The following ABCD2 variants were observed in gnomAD, a reference collection of about 807,000 sequenced individuals.
ABCD2 encodes ATP binding cassette subfamily D member 2.
Under a neutral mutation model 70.9 loss-of-function variants are expected in ABCD2, and 36 were observed. The ratio of observed to expected loss-of-function variants is 0.51; its 90% confidence interval spans 0.39 to 0.67. The LOEUF (loss-of-function observed/expected upper bound fraction) is 0.67. ABCD2 is among the 30% of genes least tolerant of loss of function. ABCD2 has a pLI of 0.00. For missense variants in ABCD2, 729 were observed against 890.2 expected (o/e 0.82, Z 2.30); for synonymous variants, 304 against 306.9 (o/e 0.99, Z 0.10).
rs749669182 is a variant in ABCD2 at position 39,604,757 on chromosome 12, A to T, written c.1405+5T>A. The T allele has an allele frequency of 2.7e-5, 43 of 1,576,384 alleles. No individual in the cohort carries two copies. Among genetic ancestry groups the T allele is most frequent in the Non-Finnish European group, 3.6e-5 (42 of 1,166,286 alleles). On this transcript the variant is annotated splice_donor_5th_base_variant and intron_variant, in intron 4 of 9. Coordinates refer to ENST00000308666, the MANE Select transcript of ABCD2 (RefSeq NM_005164.4). Reference sequence around the variant, plus strand: ...GGAAAATATAAAAGCACTTGAGTTTAATACCTTTAATTGCCAATGTGTCAC... The same window carrying T: ...GGAAAATATAAAAGCACTTGAGTTTTATACCTTTAATTGCCAATGTGTCAC...
At chr12:39,566,860 C>A (rs1300648994) in intron 9 of ABCD2, among the ~76,000 whole-genome samples, 1 of 152,172 alleles carries the variant, frequency 6.6e-6, no homozygotes, top group African/African-American at 2.4e-5. Flanking sequence ...CAAAGAATAT[C>A]TTTATTTCTG....
At chr12:39,566,591 C>T (rs1941352487) in intron 9 of ABCD2, among the ~76,000 whole-genome samples, 1 of 152,104 alleles carries the variant, frequency 6.6e-6, no homozygotes, top group Non-Finnish European at 1.5e-5. Flanking sequence ...CTCCTGGATT[C>T]ATTGATTTTT....
intron 2 of ABCD2, among the ~76,000 whole-genome samples, chr12:39,613,693 C>T (rs1160337888): frequency 6.6e-6 from 1 of 152,160 alleles, no homozygotes; most frequent in Non-Finnish European, 1.5e-5. Flanking sequence ...ATATAACGCC[C>T]TCCATCCTTA....
At chr12:39,556,378 G>C (rs1941165776) in intron 9 of ABCD2, among the ~76,000 whole-genome samples, 1 of 152,124 alleles carries the variant, frequency 6.6e-6, no homozygotes, top group Admixed American at 6.5e-5. Flanking sequence ...GTAGGCAGTT[G>C]GATCATGGGG....
intron 9 of ABCD2, among the ~76,000 whole-genome samples, chr12:39,570,163 G>A (rs1211662086): frequency 6.6e-6 from 1 of 152,162 alleles, no homozygotes; most frequent in Non-Finnish European, 1.5e-5. Flanking sequence ...AATACTACCC[G>A]AAGTGATCTA....
At chr12:39,566,416 T>A (rs1007193319) in intron 9 of ABCD2, among the ~76,000 whole-genome samples, 2 of 152,254 alleles carry the variant, frequency 1.3e-5, no homozygotes, top group Non-Finnish European at 2.9e-5. Flanking sequence ...TTTGTTTGCA[T>A]AGAAGTGTTT....
intron 6 of ABCD2, among the ~76,000 whole-genome samples, chr12:39,591,563 T>C (rs1291979917): frequency 6.6e-6 from 1 of 151,908 alleles, no homozygotes; most frequent in Non-Finnish European, 1.5e-5. Context: ...AATGCAAAAA[T>C]TAGCCAGGTG....
chr12:39,567,915 G>T (rs1159017192), intron 9 of ABCD2, among the ~76,000 whole-genome samples: 1 of 152,014 alleles, frequency 6.6e-6, no homozygotes. Flanking sequence ...GAAATTCTGG[G>T]TTGAAAATTC....
At chr12:39,563,461 C>T (rs1417900569) in intron 9 of ABCD2, among the ~76,000 whole-genome samples, 1 of 152,066 alleles carries the variant, frequency 6.6e-6, no homozygotes, top group Non-Finnish European at 1.5e-5. Flanking sequence ...TAAGAACGCT[C>T]ACTTTTGCCA....
chr12:39,604,050 T>C (rs762645541), intron 4 of ABCD2, 44 bp from the exon 5 acceptor site: 22 of 1,360,828 alleles, frequency 1.6e-5, no homozygotes, highest in African/African-American at 1.4e-5. Context: ...TATCACAGGT[T>C]TCTGATTAAA....
At chr12:39,614,810 A>G (rs1344399403) in intron 2 of ABCD2, among the ~76,000 whole-genome samples, 1 of 152,134 alleles carries the variant, frequency 6.6e-6, no homozygotes, top group Non-Finnish European at 1.5e-5. Context: ...ACCTGCAAAC[A>G]TTACAGGCAC....
intron 9 of ABCD2, among the ~76,000 whole-genome samples, chr12:39,555,240 C>T (rs1204173185): frequency 2.6e-5 from 4 of 152,278 alleles, no homozygotes; most frequent in Middle Eastern, 3.4e-3. Flanking sequence ...TCTCCCCTCT[C>T]TCTATAGATT....
chr12:39,558,688 G>A (rs1019100608), intron 9 of ABCD2, among the ~76,000 whole-genome samples: 3 of 152,090 alleles, frequency 2.0e-5, no homozygotes, highest in African/African-American at 4.8e-5. Flanking sequence ...CTTCTGCCAC[G>A]ATCATAAGTT....
At chr12:39,600,378 A>T (rs1257433584) in intron 6 of ABCD2, among the ~76,000 whole-genome samples, 193 bp downstream of exon 6, 1 of 152,168 alleles carries the variant, frequency 6.6e-6, no homozygotes, top group Non-Finnish European at 1.5e-5. Flanking sequence ...AATGAAAAAA[A>T]GTGGTATTGT....
intron 6 of ABCD2, among the ~76,000 whole-genome samples, chr12:39,599,836 G>A (rs1201374609): frequency 1.3e-5 from 2 of 152,214 alleles, no homozygotes; most frequent in Admixed American, 6.5e-5. Flanking sequence ...CTCTGACATA[G>A]TAGGAGTGCT....
the ABCD2 span, among the ~76,000 whole-genome samples, chr12:39,540,671 A>AC: frequency 6.6e-6 from 1 of 152,214 alleles, no homozygotes; most frequent in East Asian, 1.9e-4. Context: ...CTTCAAAAGA[A>AC]CTTTGGTCTC....
Position 39,570,796 on chromosome 12 carries a change from A to G in ABCD2, c.2003+2920T>C, listed in dbSNP as rs551254910. 2.0e-5 allele frequency among the ~76,000 whole-genome samples: 3 copies of G among 152,322 alleles called. No individual in the cohort carries two copies. In the South Asian group the frequency reaches 6.2e-4, roughly 32 times the overall value. On this transcript the variant is annotated intron_variant, in intron 9 of 9. Transcript: ENST00000308666. ...AAGCTTCTGTGCAACAAAGAAAACA[A>G]TCAACAGAATGAAGAGATACCTATC...
Position 39,618,872 on chromosome 12 carries a change from G to A in ABCD2, c.744C>T (p.Ser248=). The A allele has an allele frequency of 5.0e-6, 8 of 1,614,162 alleles. No individual in the cohort carries two copies. Among genetic ancestry groups the A allele is most frequent in the Non-Finnish European group, 6.8e-6 (8 of 1,180,026 alleles). ...TSYTLIQTAT[S]RGASPIGPTL... is the part of the protein sequence containing the mutation. ...TGGGCCCAATTGGGCTTGCTCCTCT[G>A]GATGTAGCAGTTTGAATGAGTGTAT... Residue 248 remains serine (S), a synonymous_variant, in exon 1 of 10, where the codon TCC becomes TCT. Coordinates refer to ENST00000308666, the MANE Select transcript of ABCD2 (RefSeq NM_005164.4).
At chr12:39,615,636 T>C (rs1942105519) in intron 2 of ABCD2, among the ~76,000 whole-genome samples, 1 of 152,030 alleles carries the variant, frequency 6.6e-6, no homozygotes, top group Non-Finnish European at 1.5e-5. Context: ...TGCATAACAC[T>C]TGCCACAAAG....
Sources: gnomAD v4.1 joint callset for allele counts (sites outside exome capture counted in the v4.1 genomes callset) on GRCh38, gnomAD v4.1.1 for gene constraint, MANE v1.5 for transcripts, NCBI Gene and HGNC (gene_info 2026-07-23, HGNC 2026-07-21) for gene names.